Variants in PPP1R17 observed in about 807,000 individuals in gnomAD.
PPP1R17 encodes the protein G-substrate.
Under a neutral mutation model 15.9 loss-of-function variants are expected in PPP1R17, and 12 were observed. The ratio of observed to expected loss-of-function variants is 0.75; its 90% CI spans 0.48 to 1.22. The LOEUF (loss-of-function observed/expected upper bound fraction) is 1.22, where lower values mean the gene tolerates loss of function less well. PPP1R17 is among the 50% of genes most tolerant of loss of function. The probability of loss-of-function intolerance (pLI) is 0.00; values close to 1 mark genes in which losing one functional copy is unlikely to be tolerated. For missense variants in PPP1R17, 211 were observed against 187.3 expected, an observed-to-expected ratio of 1.13 and a Z score of -0.74; for synonymous variants, 63 against 64.5, an observed-to-expected ratio of 0.98 and a Z score of 0.11.
At position 31,707,534 on chromosome 7, in the gene PPP1R17, C is replaced by T. The variant is rs1793124791; in HGVS notation, c.*251C>T. On this transcript the variant is annotated 3_prime_UTR_variant, in exon 5 of 5. Coordinates refer to ENST00000342032, the MANE Select transcript of PPP1R17 (RefSeq NM_006658.5). ...ATGCAGTGGAAAAGAAACAGATCAT[C>T]CTAAATGAGGAGGTAACAGGGAAAG... 4.5e-6 allele frequency: 2 copies of T among 444,524 alleles called. No individual in the cohort carries two copies. The highest frequency in any genetic ancestry group is 7.8e-5 in the East Asian group (2 of 25,560). 27.5% of individuals were successfully genotyped at this position (444,524 alleles called of 1,614,324 possible).
At chr7:31,688,422 A>G (rs143973637) in intron 1 of PPP1R17, among the ~76,000 whole-genome samples, 1 of 152,344 alleles carries the variant, frequency 6.6e-6, no homozygotes, top group Non-Finnish European at 1.5e-5. Context: ...AAACCGCTCA[A>G]TGATAAGAGA....
At chr7:31,693,600 A>G (rs1272585652) in intron 2 of PPP1R17, among the ~76,000 whole-genome samples, 3 of 152,174 alleles carry the variant, frequency 2.0e-5, no homozygotes, top group Non-Finnish European at 4.4e-5. Flanking sequence ...TGAGAACTCA[A>G]TGAGATCATA....
intron 4 of PPP1R17, among the ~76,000 whole-genome samples, chr7:31,700,331 C>A (rs1792790396): frequency 6.6e-6 from 1 of 152,158 alleles, no homozygotes; most frequent in Non-Finnish European, 1.5e-5. Context: ...AGCCATAACC[C>A]TTCCTTAAGC....
At chr7:31,702,161 G>C (rs927972516) in intron 4 of PPP1R17, among the ~76,000 whole-genome samples, 4 of 151,232 alleles carry the variant, frequency 2.6e-5, no homozygotes, top group African/African-American at 9.7e-5. Context: ...GGGAAATTCT[G>C]CCTTAGAATT....
intron 2 of PPP1R17, among the ~76,000 whole-genome samples, chr7:31,694,551 C>T (rs564003243): frequency 4.6e-5 from 7 of 152,126 alleles, no homozygotes; most frequent in Admixed American, 1.3e-4. Context: ...TCCATTTAAC[C>T]GTTCAACATC....
In PPP1R17 at chr7:31,695,485, G is replaced by A. The variant is rs1562697793; in HGVS notation, c.99G>A (p.Gln33=). 1 of 1,608,952 alleles carries A rather than the reference G, an allele frequency of 6.2e-7. No homozygotes were observed. Among genetic ancestry groups the A allele is most frequent in the Admixed American group, 1.7e-5 (1 of 58,754 alleles). The change falls in exon 3 of 5, where the codon CAG becomes CAA. Residue 33 remains glutamine, a synonymous_variant. Transcript: ENST00000342032. ...CAAAATTAGATGATCTTTCAGACCA[G>A]TTCATTAAGGACTGTGATCTCAAAA... ...RCSHLDDLSD[Q]FIKDCDLKKK...
intron 2 of PPP1R17, 37 bp downstream of exon 2, chr7:31,692,560 A>C (rs756065146): frequency 5.6e-5 from 87 of 1,548,952 alleles, no homozygotes; most frequent in Non-Finnish European, 7.0e-5. Context: ...CAGTGGTGGA[A>C]GTCAGAGAAG....
At chr7:31,703,730 A>G (rs1323805856) in intron 4 of PPP1R17, among the ~76,000 whole-genome samples, 1 of 152,238 alleles carries the variant, frequency 6.6e-6, no homozygotes, top group Non-Finnish European at 1.5e-5. Flanking sequence ...GCAGACAAAT[A>G]CACTCTGGAG....
At chr7:31,695,143 C>T (rs1009041115) in intron 2 of PPP1R17, among the ~76,000 whole-genome samples, 10 of 121,064 alleles carry the variant, frequency 8.3e-5, no homozygotes, top group African/African-American at 3.9e-4. Flanking sequence ...GCAGAGAGAA[C>T]CTATTCTCCC....
In PPP1R17 at chr7:31,692,397, C is replaced by A. The variant is rs755768192; in HGVS notation, c.-36-9C>A. The A allele has an allele frequency of 1.0e-5, 15 of 1,456,774 alleles. No homozygotes were observed. The highest frequency in any genetic ancestry group is 1.4e-5 in the African/African-American group (1 of 70,690). 90.2% of individuals were successfully genotyped at this position (1,456,774 alleles called of 1,614,324 possible). On this transcript the variant is annotated splice_polypyrimidine_tract_variant and intron_variant, in intron 1 of 4. Transcript: ENST00000342032. Reference sequence around the variant, plus strand: ...CCATACTTATTAACTGTTTTTTATACTTCCTTAGTGCTGGAGAAGAAATAC... The same window carrying A: ...CCATACTTATTAACTGTTTTTTATAATTCCTTAGTGCTGGAGAAGAAATAC...
intron 1 of PPP1R17, among the ~76,000 whole-genome samples, chr7:31,691,133 C>A (rs1265655288): frequency 6.6e-6 from 1 of 152,168 alleles, no homozygotes; most frequent in East Asian, 1.9e-4. Context: ...TCTGAAGTCA[C>A]TCAGTACAAT....
intron 2 of PPP1R17, among the ~76,000 whole-genome samples, chr7:31,693,828 A>AGAGAAGGG (rs1792457718): frequency 6.6e-6 from 1 of 152,238 alleles, no homozygotes; most frequent in Non-Finnish European, 1.5e-5. Flanking sequence ...AGAGAGAAGG[A>AGAGAAGGG]AGAGAAGGAA....
At chr7:31,695,089 C>G (rs1303476186) in intron 2 of PPP1R17, among the ~76,000 whole-genome samples, 1 of 152,102 alleles carries the variant, frequency 6.6e-6, no homozygotes, top group Non-Finnish European at 1.5e-5. Context: ...CTTGGGGTCT[C>G]CAAAGAGAGC....
At chr7:31,698,989 A>G (rs1792730839) in intron 4 of PPP1R17, among the ~76,000 whole-genome samples, 1 of 152,232 alleles carries the variant, frequency 6.6e-6, no homozygotes, top group South Asian at 2.1e-4. Context: ...TGCCAGGCAC[A>G]GCTCAAGTGC....
intron 1 of PPP1R17, among the ~76,000 whole-genome samples, chr7:31,691,830 A>G (rs1167395748): frequency 1.3e-5 from 2 of 151,240 alleles, no homozygotes; most frequent in Non-Finnish European, 3.0e-5. Context: ...AAACCAAGCA[A>G]AAAACCCACA....
chr7:31,691,177 C>G (rs1792325368), intron 1 of PPP1R17, among the ~76,000 whole-genome samples: 1 of 152,170 alleles, frequency 6.6e-6, no homozygotes, highest in Admixed American at 6.5e-5. Context: ...AAGCTGTGCT[C>G]AAGTGATCAG....
intron 4 of PPP1R17, among the ~76,000 whole-genome samples, chr7:31,699,446 G>A (rs1020892429): frequency 6.6e-6 from 1 of 152,108 alleles, no homozygotes; most frequent in Admixed American, 6.5e-5. Context: ...TTGGTCAAGG[G>A]GTCCAGAGAT....
intron 4 of PPP1R17, among the ~76,000 whole-genome samples, chr7:31,706,249 C>T (rs1793066027): frequency 1.3e-5 from 2 of 151,814 alleles, no homozygotes; most frequent in African/African-American, 4.8e-5. Context: ...AGGCAATCCA[C>T]CCACCTTGGC....
At chr7:31,695,431 G>A (rs767811467) in intron 2 of PPP1R17, 38 bp from the exon 3 acceptor site, 2 of 1,562,328 alleles carry the variant, frequency 1.3e-6, no homozygotes, top group East Asian at 2.3e-5. Context: ...CCTTAATCAT[G>A]TTATATTCTT....
Sources: allele counts gnomAD v4.1 joint callset (sites outside exome capture counted in the v4.1 genomes callset), GRCh38; gene constraint gnomAD v4.1.1; transcripts MANE v1.5; gene names NCBI Gene and HGNC (gene_info 2026-07-23, HGNC 2026-07-21).